The following DGKD variants were observed in gnomAD, a reference collection of about 807,000 sequenced individuals.
The protein encoded by DGKD is diacylglycerol kinase delta.
DGKD carries 68 observed loss-of-function variants against 154.4 expected under a neutral mutation model. The observed-to-expected ratio is 0.44, with a 90% CI of 0.36 to 0.54. The LOEUF (loss-of-function observed/expected upper bound fraction) is 0.54. DGKD is among the 20% of genes least tolerant of loss of function. The probability of loss-of-function intolerance (pLI) is 0.00; values close to 1 mark genes in which losing one functional copy is unlikely to be tolerated. For synonymous variants in DGKD, 693 were observed against 638.0 expected (o/e 1.09, Z -1.30); for missense variants, 1,343 against 1,593.6 (o/e 0.84, Z 2.68).
intron 3 of DGKD, among the ~76,000 whole-genome samples, chr2:233,411,732 C>T (rs1437476016): frequency 2.6e-5 from 4 of 152,080 alleles, no homozygotes; most frequent in Non-Finnish European, 4.4e-5. Flanking sequence ...ATCCAGAAAA[C>T]CCTTGTCTAC....
In DGKD at chr2:233,441,589, A is replaced by G. The variant is rs2062891162; in HGVS notation, c.1086-298A>G. Among the ~76,000 whole-genome samples, 2 of 152,184 alleles carry G rather than the reference A, an allele frequency of 1.3e-5. No homozygotes were observed. The highest frequency in any genetic ancestry group is 2.1e-4 in the South Asian group (1 of 4,830). ...GCAGGGGATGCAGTTTTGGCCCACC[A>G]CTTTGCCTGTGATGTCTGCAGAGCG... On this transcript the variant is annotated intron_variant, in intron 9 of 29. Coordinates refer to ENST00000264057, the MANE Select transcript of DGKD (RefSeq NM_152879.3). This position sits in a 1 kb window ranked among gnomAD's most constrained non-coding sequence, Gnocchi z 5.6.
At chr2:233,356,444 A>G (rs2125365671) in intron 1 of DGKD, among the ~76,000 whole-genome samples, 1 of 152,278 alleles carries the variant, frequency 6.6e-6, no homozygotes, top group Middle Eastern at 3.4e-3. Flanking sequence ...AATGATACTG[A>G]TAGGAGTTGC....
rs1474682156 is a variant in DGKD, at chr2:233,418,066, T to C, written c.349-16314T>C. Among the ~76,000 whole-genome samples the C allele has an allele frequency of 4.6e-5, 7 of 152,240 alleles. No homozygotes were observed. The East Asian group carries it at 1.3e-3, about 29-fold the overall frequency. The stretch of plus-strand genomic sequence containing the variant: ...CACTTTAGTTTTACAAAAATTTGGA[T>C]TATTTATACAGACTAGTTTATGACC... On this transcript the variant is annotated intron_variant, in intron 3 of 29. Coordinates refer to ENST00000264057, the MANE Select transcript of DGKD (RefSeq NM_152879.3).
intron 3 of DGKD, chr2:233,429,442 C>A: frequency 1.8e-6 from 1 of 567,308 alleles, no homozygotes; most frequent in Non-Finnish European, 2.2e-6. Flanking sequence ...TGCACCCACT[C>A]GGCCTTGGCA....
chr2:233,390,447 T>C lies in DGKD; in HGVS notation c.312T>C (p.Ala104=), dbSNP rs1354090372. ...DEVDLTDASV[A]ESSTKNVNNS... is the part of the protein sequence containing the mutation. ...TGGATCTGACAGATGCCAGCGTAGC[T>C]GAATCCAGTACCAAAAACGTCAACA... Residue 104 remains alanine (A), a synonymous_variant, in exon 3 of 30, where the codon GCT becomes GCC. Coordinates refer to ENST00000264057, the MANE Select transcript of DGKD (RefSeq NM_152879.3). 3 of 1,614,164 alleles carry C rather than the reference T, an allele frequency of 1.9e-6. No homozygotes were observed. Among genetic ancestry groups the C allele is most frequent in the Non-Finnish European group, 2.5e-6 (3 of 1,180,000 alleles).
chr2:233,431,504 C>T (rs954398174), intron 3 of DGKD, among the ~76,000 whole-genome samples: 1 of 152,048 alleles, frequency 6.6e-6, no homozygotes, highest in Non-Finnish European at 1.5e-5. Flanking sequence ...CCAGAATAGC[C>T]AAAAGACCCA....
Position 233,457,312 on chromosome 2 carries a change from G to T in DGKD, c.2564G>T (p.Gly855Val). The T allele has an allele frequency of 1.3e-6, 2 of 1,538,356 alleles. No individual in the cohort carries two copies. Among genetic ancestry groups the T allele is most frequent in the Non-Finnish European group, 1.8e-6 (2 of 1,141,256 alleles). ...GCCGGAGGAACCAACTTCTGGGGGG[G>T]TACCAAGGAAGATGATGTATGTATG... Reference protein sequence around the residue: ...SYAGGTNFWGGTKEDDTFAAP... With the variant: ...SYAGGTNFWGVTKEDDTFAAP... The change falls in exon 21 of 30, where the codon GGT becomes GTT. Residue 855 changes from glycine to valine, a missense_variant. Gly to Val is a moderately radical substitution (Grantham distance 109). Transcript: ENST00000264057. This position sits in a 1 kb window ranked among gnomAD's most constrained non-coding sequence, Gnocchi z 5.5.
At chr2:233,463,295 A>G (rs1223645924) in intron 26 of DGKD, among the ~76,000 whole-genome samples, 4 of 151,228 alleles carry the variant, frequency 2.6e-5, no homozygotes, top group East Asian at 2.0e-4. Context: ...CACTGCACGC[A>G]TCACCTCACT....
At chr2:233,410,264 G>GA (rs1178470646) in intron 3 of DGKD, among the ~76,000 whole-genome samples, 2 of 152,180 alleles carry the variant, frequency 1.3e-5, no homozygotes, top group African/African-American at 2.4e-5. Context: ...GAAGAAAGAG[G>GA]GGGGGCTCAA....
chr2:233,423,941 C>T (rs1387015806), intron 3 of DGKD, among the ~76,000 whole-genome samples: 1 of 152,154 alleles, frequency 6.6e-6, no homozygotes, highest in African/African-American at 2.4e-5. Flanking sequence ...GTCAGGCTGC[C>T]ATCTTCTCTC....
chr2:233,461,550 C>T (rs1470903802), intron 24 of DGKD, among the ~76,000 whole-genome samples: 39 of 152,268 alleles, frequency 2.6e-4, no homozygotes, highest in Admixed American at 2.6e-3. Flanking sequence ...CTCTCCCCCA[C>T]CCCACCCAGA....
Position 233,462,689 on chromosome 2 carries a change from C to G in DGKD, c.3140C>G (p.Ala1047Gly), listed in dbSNP as rs562774636. ...CTGGAAATGGTGAATAACTTCAGAG[C>G]TCTGCGCAGTGAGACGGAGCTGCTG... ...FVLEMVNNFR[A>G]LRSETELLLS... The change falls in exon 26 of 30, where the codon GCT becomes GGT. Residue 1047 changes from alanine (A) to glycine (G), a missense_variant. Transcript: ENST00000264057. The G allele has an allele frequency of 4.8e-5, 78 of 1,614,044 alleles. No individual in the cohort carries two copies. Among genetic ancestry groups the G allele is most frequent in the Non-Finnish European group, 6.4e-5 (76 of 1,180,050 alleles).
At chr2:233,378,122 C>T (rs838711) in intron 1 of DGKD, among the ~76,000 whole-genome samples, 91,407 of 137,588 alleles carry the variant, frequency 0.66, 28,102 homozygotes, top group South Asian at 0.79. Context: ...TTTTTTTTTT[C>T]TAAATTTGAG....
chr2:233,462,838 C>A, intron 26 of DGKD, 103 bp downstream of exon 26: 1 of 1,066,880 alleles, frequency 9.4e-7, no homozygotes, highest in Non-Finnish European at 1.4e-6. Flanking sequence ...GTCCAGAGTT[C>A]CCGGTCTTAA....
chr2:233,416,956 C>G (rs950935467), intron 3 of DGKD, among the ~76,000 whole-genome samples: 3 of 152,372 alleles, frequency 2.0e-5, no homozygotes, highest in Admixed American at 6.5e-5. Flanking sequence ...CTTCTCCCAC[C>G]TTCCTGCTAC....
chr2:233,453,012 G>C (rs974774838), intron 18 of DGKD, among the ~76,000 whole-genome samples: 9 of 152,206 alleles, frequency 5.9e-5, no homozygotes, highest in African/African-American at 1.9e-4. Context: ...TGGGGCTCCA[G>C]TTCTCAGCCC....
At chr2:233,396,277 G>T (rs976913164) in intron 3 of DGKD, among the ~76,000 whole-genome samples, 1 of 152,184 alleles carries the variant, frequency 6.6e-6, no homozygotes, top group Admixed American at 6.5e-5. Flanking sequence ...TCCAGTTTGG[G>T]CTTTCCAGCT....
intron 2 of DGKD, chr2:233,388,599 G>A: frequency 2.6e-6 from 1 of 387,538 alleles, no homozygotes; most frequent in Non-Finnish European, 4.5e-6. Flanking sequence ...CATCGGTAAT[G>A]GGGAAAAGGA....
chr2:233,433,452 G>C (rs138081431), intron 3 of DGKD, among the ~76,000 whole-genome samples: 314 of 152,270 alleles, frequency 2.1e-3, no homozygotes, highest in Non-Finnish European at 3.5e-3. Context: ...GCTGGGAAGG[G>C]TAGTGGGGCT....
Sources: allele counts gnomAD v4.1 joint callset (sites outside exome capture counted in the v4.1 genomes callset), GRCh38; gene constraint gnomAD v4.1.1; non-coding constraint Gnocchi (gnomAD v3.1); transcripts MANE v1.5; gene names NCBI Gene and HGNC (gene_info 2026-07-23, HGNC 2026-07-21).